The following NBAS variants were observed in gnomAD, a reference collection of about 807,000 sequenced individuals.
NBAS encodes the protein NAG/BC035112 fusion.
NBAS carries 219 observed loss-of-function variants against 302.5 expected under a neutral mutation model. The observed-to-expected ratio is 0.72, with a 90% confidence interval of 0.65 to 0.81. The LOEUF is 0.81. Among genes scored for constraint, NBAS ranks in the 30% least tolerant of loss-of-function variants. The pLI is 0.00. For synonymous variants in NBAS, 1,118 were observed against 1,021.6 expected, an observed-to-expected ratio of 1.09 and a Z score of -1.80; for missense variants, 2,932 against 2,841.6, an observed-to-expected ratio of 1.03 and a Z score of -0.72.
At chr2:15,052,430 T>C in the NBAS span, among the ~76,000 whole-genome samples, 17 of 152,212 alleles carry the variant, frequency 1.1e-4, no homozygotes, top group Admixed American at 9.8e-4. Context: ...CCTCAACTTG[T>C]ACCCAAGAAC....
At chr2:15,387,975 C>T (rs1257144763) in intron 28 of NBAS, among the ~76,000 whole-genome samples, 1 of 152,152 alleles carries the variant, frequency 6.6e-6, no homozygotes, top group Non-Finnish European at 1.5e-5. Flanking sequence ...TAAATATTTT[C>T]TGAGCATCAA....
chr2:14,865,188 G>A, the NBAS span, among the ~76,000 whole-genome samples: 2 of 152,136 alleles, frequency 1.3e-5, no homozygotes, highest in African/African-American at 4.8e-5. Flanking sequence ...AATGGTAGGA[G>A]GTGGTGGGGT....
the NBAS span, among the ~76,000 whole-genome samples, chr2:15,074,947 T>C: frequency 1.3e-5 from 2 of 152,196 alleles, no homozygotes; most frequent in Admixed American, 6.5e-5. Flanking sequence ...TGATGAACAA[T>C]ACCCAGTGTT....
chr2:14,904,709 G>A, the NBAS span, among the ~76,000 whole-genome samples: 1 of 152,096 alleles, frequency 6.6e-6, no homozygotes, highest in Non-Finnish European at 1.5e-5. Flanking sequence ...CTGCTATTCT[G>A]GCAGGCACTG....
chr2:15,070,563 A>T, the NBAS span, among the ~76,000 whole-genome samples: 1 of 152,214 alleles, frequency 6.6e-6, no homozygotes, highest in South Asian at 2.1e-4. Context: ...CGGCCAGGCC[A>T]AAGGCAAGTT....
chr2:15,372,781 G>C (rs537443117), intron 31 of NBAS, among the ~76,000 whole-genome samples: 1 of 152,250 alleles, frequency 6.6e-6, no homozygotes, highest in East Asian at 1.9e-4. Flanking sequence ...TTGGTTGCAG[G>C]TATTCAAACC....
the NBAS span, among the ~76,000 whole-genome samples, chr2:15,010,838 G>A: frequency 1.3e-4 from 20 of 152,182 alleles, no homozygotes; most frequent in East Asian, 7.7e-4. Flanking sequence ...AATAAGATTC[G>A]AGCCCACTTT....
the NBAS span, among the ~76,000 whole-genome samples, chr2:14,965,676 G>T: frequency 1.3e-5 from 2 of 151,968 alleles, no homozygotes; most frequent in Non-Finnish European, 2.9e-5. Flanking sequence ...TTCATTCTGT[G>T]AGTCTAGCAT....
intron 4 of NBAS, 78 bp downstream of exon 4, chr2:15,553,983 G>T: frequency 8.1e-7 from 1 of 1,240,486 alleles, no homozygotes; most frequent in Non-Finnish European, 1.2e-6. Flanking sequence ...AAAGCCACAA[G>T]CATTCCAAAA....
chr2:15,120,194 G>A, the NBAS span, among the ~76,000 whole-genome samples: 1 of 152,200 alleles, frequency 6.6e-6, no homozygotes, highest in African/African-American at 2.4e-5. Flanking sequence ...GGAAAGCACG[G>A]CAGCTTAGCA....
At chr2:15,518,081 A>G (rs1417132538) in intron 9 of NBAS, among the ~76,000 whole-genome samples, 3 of 151,778 alleles carry the variant, frequency 2.0e-5, no homozygotes, top group Admixed American at 1.3e-4. Context: ...TCAAGATACA[A>G]TGTCCCAAAT....
At chr2:15,238,246 C>T (rs1667694726) in intron 45 of NBAS, among the ~76,000 whole-genome samples, 3 of 152,068 alleles carry the variant, frequency 2.0e-5, no homozygotes. Flanking sequence ...TCTATTTCCC[C>T]ATATCAACGG....
rs371362500 is a variant in NBAS, at chr2:15,257,261, G to A, written c.5724+18223C>T. Among the ~76,000 whole-genome samples the A allele has an allele frequency of 7.9e-5, 12 of 151,990 alleles. 1 individual carries two copies. The South Asian group carries it at 2.1e-3, about 26-fold the overall frequency. ...TCTGTTCAGAGTTTCTATTTCTTCC[G>A]GATTTAATCTAGGATATTTCCAGGA... On this transcript the variant is annotated intron_variant, in intron 44 of 51. Transcript: ENST00000281513.
At chr2:15,119,462 T>A in the NBAS span, among the ~76,000 whole-genome samples, 2 of 151,896 alleles carry the variant, frequency 1.3e-5, no homozygotes, top group Non-Finnish European at 2.9e-5. Context: ...TGCCTCAGTC[T>A]CCTGAGTAGC....
rs373930612 is a variant in NBAS, at chr2:15,254,108, G to A, written c.5725-15422C>T. ...TTCTCCAATTACTCCTGCAGATAACGTCACTATTGTAGACTGGCCTTCTGA... is the reference window on the plus strand; with the variant it reads ...TTCTCCAATTACTCCTGCAGATAACATCACTATTGTAGACTGGCCTTCTGA... On this transcript the variant is annotated intron_variant, in intron 44 of 51. Coordinates refer to ENST00000281513, the MANE Select transcript of NBAS (RefSeq NM_015909.4). Among the ~76,000 whole-genome samples the A allele has an allele frequency of 2.6e-5, 4 of 152,122 alleles. No individual in the cohort carries two copies. The East Asian group carries it at 5.8e-4, about 22-fold the overall frequency.
At position 15,402,288 on chromosome 2, in the gene NBAS, A is replaced by C. The variant is rs140841721; in HGVS notation, c.2951T>G (p.Ile984Ser). Residue 984 changes from isoleucine to serine, a missense_variant, in exon 26 of 52, where the codon ATT (isoleucine) becomes AGT (serine). Physicochemically the swap from Ile to Ser is moderately radical, Grantham distance 142. Transcript: ENST00000281513. ...CATCAGTTGGTCCTGATCAGGAATA[A>C]TTTTTTGCTGCAGCTACAGAAAATA... ...QHSKPDLQQKIIPDQDQLMAI... is the reference protein window; with the variant it reads ...QHSKPDLQQKSIPDQDQLMAI... 25 of 1,613,394 alleles carry C rather than the reference A, an allele frequency of 1.5e-5. No individual in the cohort carries two copies. The highest frequency in any genetic ancestry group is 1.9e-5 in the Non-Finnish European group (22 of 1,179,624).
chr2:15,145,317 G>C, the NBAS span, among the ~76,000 whole-genome samples: 1 of 151,780 alleles, frequency 6.6e-6, no homozygotes, highest in Non-Finnish European at 1.5e-5. Context: ...GCTTTTACAC[G>C]CAATCTTAAA....
chr2:15,134,465 T>C, the NBAS span, among the ~76,000 whole-genome samples: 1 of 152,056 alleles, frequency 6.6e-6, no homozygotes, highest in Non-Finnish European at 1.5e-5. Context: ...TCTCTCTTTC[T>C]CTCTCTGTCT....
chr2:14,953,991 C>A, the NBAS span, among the ~76,000 whole-genome samples: 1 of 152,260 alleles, frequency 6.6e-6, no homozygotes, highest in Admixed American at 6.5e-5. Flanking sequence ...CTCCCTGAAC[C>A]TGAGTCCACA....
Sources: allele counts gnomAD v4.1 joint callset (sites outside exome capture counted in the v4.1 genomes callset), GRCh38; gene constraint gnomAD v4.1.1; transcripts MANE v1.5; gene names NCBI Gene and HGNC (gene_info 2026-07-23, HGNC 2026-07-21).